CHN1: variants seen among roughly 807,000 people sequenced by gnomAD.
CHN1 encodes N-chimaerin.
Under a neutral mutation model 59.5 loss-of-function variants are expected in CHN1, and 37 were observed. The ratio of observed to expected loss-of-function variants is 0.62; its 90% CI spans 0.48 to 0.82. CHN1 has a LOEUF of 0.82. Ranked by LOEUF, CHN1 falls within the 40% of genes least tolerant of loss-of-function variation. The pLI, the probability that CHN1 is intolerant of heterozygous loss-of-function variation, is 0.00. For synonymous variants in CHN1, 206 were observed against 200.4 expected (o/e 1.03, Z -0.24); for missense variants, 469 against 571.0 (o/e 0.82, Z 1.82).
intron 3 of CHN1, among the ~76,000 whole-genome samples, chr2:174,940,273 C>A (rs190428813): frequency 6.6e-6 from 1 of 152,138 alleles, no homozygotes; most frequent in Non-Finnish European, 1.5e-5. Context: ...GTGATCCACC[C>A]GCCTTAGCCT....
chr2:174,831,834 T>C (rs1208196595), intron 7 of CHN1, among the ~76,000 whole-genome samples: 2 of 152,134 alleles, frequency 1.3e-5, no homozygotes, highest in Non-Finnish European at 2.9e-5. Flanking sequence ...CGTATTCAAA[T>C]ATTAGTAAAA....
intron 6 of CHN1, among the ~76,000 whole-genome samples, chr2:174,849,433 C>T (rs1270778908): frequency 1.3e-5 from 2 of 152,144 alleles, no homozygotes; most frequent in African/African-American, 2.4e-5. Flanking sequence ...ATGAAAACAG[C>T]GTTGGCTACT....
chr2:174,834,450 T>C (rs1685999584), intron 7 of CHN1, among the ~76,000 whole-genome samples: 1 of 152,222 alleles, frequency 6.6e-6, no homozygotes, highest in African/African-American at 2.4e-5. Context: ...ACCAGTCTCC[T>C]AGGGATGAAT....
chr2:174,810,042 C>T (rs1685022880), intron 10 of CHN1, among the ~76,000 whole-genome samples: 1 of 152,234 alleles, frequency 6.6e-6, no homozygotes, highest in Non-Finnish European at 1.5e-5. Flanking sequence ...TTCATTCCAG[C>T]ATCCTATGGA....
intron 6 of CHN1, among the ~76,000 whole-genome samples, chr2:174,855,322 C>T (rs1025431497): frequency 6.6e-6 from 1 of 152,128 alleles, no homozygotes; most frequent in Admixed American, 6.5e-5. Context: ...TTCTAGCTGG[C>T]AGGACCCTTA....
intron 5 of CHN1, among the ~76,000 whole-genome samples, chr2:174,913,343 C>G (rs1387748280): frequency 6.6e-6 from 1 of 152,060 alleles, no homozygotes; most frequent in Non-Finnish European, 1.5e-5. Flanking sequence ...TACATCAAGG[C>G]TGTTTACCAT....
intron 5 of CHN1, among the ~76,000 whole-genome samples, chr2:174,893,004 C>A (rs775236013): frequency 2.0e-5 from 3 of 152,092 alleles, no homozygotes; most frequent in Non-Finnish European, 4.4e-5. Flanking sequence ...AAAGCCCTCA[C>A]CTTATATCAA....
At chr2:174,973,433 C>A (rs1690822647) in intron 1 of CHN1, among the ~76,000 whole-genome samples, 2 of 152,098 alleles carry the variant, frequency 1.3e-5, no homozygotes, top group South Asian at 4.2e-4. Flanking sequence ...GAAACCTAGG[C>A]AGGAGGTGAC....
At position 174,799,793 on chromosome 2, in the gene CHN1, C is replaced by A. The variant is rs1684655202; in HGVS notation, c.*323G>T. ...ATGCTGGATTACAAGCACAGACTAC[C>A]CAGGACGCAGAGGCGGTGCAGGCGC... On this transcript the variant is annotated 3_prime_UTR_variant, in exon 13 of 13. Coordinates refer to ENST00000409900, the MANE Select transcript of CHN1 (RefSeq NM_001822.7). 1.8e-6 allele frequency: 1 copy of A among 545,340 alleles called. No individual in the cohort carries two copies. The highest frequency in any genetic ancestry group is 1.8e-5 in the African/African-American group (1 of 54,298). 33.8% of individuals were successfully genotyped at this position (545,340 alleles called of 1,614,324 possible).
chr2:174,939,569 A>T (rs887160751), intron 3 of CHN1, among the ~76,000 whole-genome samples: 1 of 152,194 alleles, frequency 6.6e-6, no homozygotes, highest in African/African-American at 2.4e-5. Context: ...TTCAACAAAG[A>T]TAATAGTCTT....
chr2:174,895,994 C>T (rs1018834505), intron 5 of CHN1, among the ~76,000 whole-genome samples: 4 of 152,078 alleles, frequency 2.6e-5, no homozygotes, highest in African/African-American at 9.7e-5. Flanking sequence ...AACACCTATA[C>T]TGACTCTAAA....
chr2:174,915,035 G>A, intron 5 of CHN1, 23 bp downstream of exon 5: 3 of 1,432,358 alleles, frequency 2.1e-6, no homozygotes, highest in Non-Finnish European at 1.9e-6. Context: ...AAGCACAGTA[G>A]TAATTGCAGG....
intron 5 of CHN1, among the ~76,000 whole-genome samples, chr2:174,889,126 T>C (rs1687975105): frequency 6.6e-6 from 1 of 152,000 alleles, no homozygotes; most frequent in African/African-American, 2.4e-5. Context: ...AACCAGCAAA[T>C]CTCTCTAACT....
chr2:174,900,805 C>G (rs1184314532), intron 5 of CHN1, among the ~76,000 whole-genome samples: 1 of 124,192 alleles, frequency 8.1e-6, no homozygotes, highest in Non-Finnish European at 1.7e-5. Flanking sequence ...AACTCCATCT[C>G]AAAAAAAAAA....
At chr2:174,813,179 A>G (rs114067856) in intron 8 of CHN1, among the ~76,000 whole-genome samples, 2,456 of 152,348 alleles carry the variant, frequency 0.016, 34 homozygotes, top group Middle Eastern at 0.031. Context: ...AACCAAACAC[A>G]GAAGTAATAA....
chr2:174,874,471 GA>G (rs958599424), intron 6 of CHN1, among the ~76,000 whole-genome samples: 5 of 151,886 alleles, frequency 3.3e-5, no homozygotes, highest in South Asian at 2.1e-4. Context: ...CTATCACTTG[GA>G]AAAAAAATAT....
chr2:174,882,823 CAG>C (rs1317568496), intron 5 of CHN1, among the ~76,000 whole-genome samples: 1 of 151,930 alleles, frequency 6.6e-6, no homozygotes, highest in Non-Finnish European at 1.5e-5. Context: ...AAATTTAAAA[CAG>C]AAATAAAATA....
chr2:174,963,023 TGTCA>T (rs1480865227), intron 1 of CHN1, among the ~76,000 whole-genome samples: 8 of 152,338 alleles, frequency 5.3e-5, no homozygotes, highest in African/African-American at 1.2e-4. Flanking sequence ...TGCCATGAAG[TGTCA>T]GTAATACTTT....
intron 5 of CHN1, among the ~76,000 whole-genome samples, chr2:174,891,369 A>C (rs2105347241): frequency 6.6e-6 from 1 of 151,716 alleles, no homozygotes; most frequent in East Asian, 1.9e-4. Flanking sequence ...CCGGAGTTCA[A>C]GACCAGCCTG....
Sources: gnomAD v4.1 joint callset for allele counts (sites outside exome capture counted in the v4.1 genomes callset) on GRCh38, gnomAD v4.1.1 for gene constraint, MANE v1.5 for transcripts, NCBI Gene and HGNC (gene_info 2026-07-23, HGNC 2026-07-21) for gene names.